GRHL2: variants seen among roughly 807,000 people sequenced by gnomAD.
The protein encoded by GRHL2 is grainyhead-like protein 2 homolog.
Under a neutral mutation model 83.8 loss-of-function variants are expected in GRHL2, and 21 were observed. The ratio of observed to expected loss-of-function variants is 0.25; its 90% CI spans 0.18 to 0.36. The LOEUF is 0.36. Among genes scored for constraint, GRHL2 ranks in the 10% least tolerant of loss-of-function variants. The pLI is 1.00. For missense variants in GRHL2, 623 were observed against 781.8 expected (o/e 0.80, Z 2.42); for synonymous variants, 280 against 278.9 (o/e 1.00, Z -0.04).
In GRHL2 at chr8:101,540,700, C is replaced by T. The variant is rs549954342; in HGVS notation, c.21-2541C>T. Among the ~76,000 whole-genome samples, 35 of 152,300 alleles carry T rather than the reference C, an allele frequency of 2.3e-4. 1 individual carries two copies. Among genetic ancestry groups the T allele is most frequent in the African/African-American group, 5.1e-4 (21 of 41,568 alleles). ...TGACACACTTTTCATTGTGAGTTCACGCCAGTTCTCCATCACAAAGTGAGC... is the reference window on the plus strand; with the variant it reads ...TGACACACTTTTCATTGTGAGTTCATGCCAGTTCTCCATCACAAAGTGAGC... On this transcript the variant is annotated intron_variant, in intron 1 of 15. Transcript: ENST00000646743.
At chr8:101,603,160 G>GT (rs979849670) in intron 8 of GRHL2, among the ~76,000 whole-genome samples, 8 of 151,798 alleles carry the variant, frequency 5.3e-5, no homozygotes, top group East Asian at 1.9e-4. Flanking sequence ...TAAGAATGAG[G>GT]TTTTTTTTGC....
intron 3 of GRHL2, among the ~76,000 whole-genome samples, chr8:101,553,401 A>G (rs189407664): frequency 6.6e-6 from 1 of 152,330 alleles, no homozygotes; most frequent in Non-Finnish European, 1.5e-5. Context: ...GATGAAGCCA[A>G]TTGGAGAATG....
At chr8:101,603,215 G>A (rs920863783) in intron 8 of GRHL2, among the ~76,000 whole-genome samples, 2 of 152,166 alleles carry the variant, frequency 1.3e-5, no homozygotes, top group Non-Finnish European at 2.9e-5. Flanking sequence ...TATCAGAGGA[G>A]ACCTTCTAAA....
intron 7 of GRHL2, among the ~76,000 whole-genome samples, chr8:101,583,294 A>C (rs1812094281): frequency 6.6e-6 from 1 of 152,206 alleles, no homozygotes; most frequent in Admixed American, 6.5e-5. Flanking sequence ...AGCCAGGTGA[A>C]AGACTGGGAT....
intron 7 of GRHL2, among the ~76,000 whole-genome samples, chr8:101,582,338 G>A (rs530239244): frequency 6.6e-6 from 1 of 152,310 alleles, no homozygotes; most frequent in South Asian, 2.1e-4. Context: ...GCTAGTGAGA[G>A]TGCTAGTTGA....
At chr8:101,552,859 C>A (rs932746776) in intron 3 of GRHL2, 77 bp downstream of exon 3, 2 of 1,382,476 alleles carry the variant, frequency 1.4e-6, no homozygotes, top group African/African-American at 1.4e-5. Context: ...ATGTTTTGTT[C>A]TTGAGAGGAG....
chr8:101,621,950 A>G (rs183633705), intron 9 of GRHL2, among the ~76,000 whole-genome samples: 105 of 152,328 alleles, frequency 6.9e-4, no homozygotes, highest in African/African-American at 2.4e-3. Flanking sequence ...GGGATGGAAT[A>G]CTAAAAATAC....
intron 4 of GRHL2, among the ~76,000 whole-genome samples, chr8:101,566,794 T>G (rs971353412): frequency 6.6e-6 from 1 of 151,940 alleles, no homozygotes; most frequent in African/African-American, 2.4e-5. Flanking sequence ...AGCAGTGAAT[T>G]TGATGAGCTC....
intron 1 of GRHL2, among the ~76,000 whole-genome samples, chr8:101,533,794 T>C (rs1586069752): frequency 6.6e-6 from 1 of 152,034 alleles, no homozygotes; most frequent in South Asian, 2.1e-4. Context: ...GGAAGAACAT[T>C]CTGGGAAGAT....
chr8:101,492,469 C>T lies in GRHL2; in HGVS notation c.-301C>T. 1.9e-6 allele frequency: 1 copy of T among 535,718 alleles called. No homozygotes were observed. Among genetic ancestry groups the T allele is most frequent in the East Asian group, 3.2e-5 (1 of 30,958 alleles). The allele number at this position is 535,718 out of a possible 1,614,324, so 33.2% of individuals were successfully genotyped here. ...AGTTACCTGTGGCCGCCCAAGTCCG[C>T]CACTTTCTGCTCTGTGTCTGCCCAT... On this transcript the variant is annotated 5_prime_UTR_variant, in exon 1 of 16. Transcript: ENST00000646743.
chr8:101,507,247 A>AC (rs1342998215), intron 1 of GRHL2, among the ~76,000 whole-genome samples: 1 of 151,584 alleles, frequency 6.6e-6, no homozygotes, highest in African/African-American at 2.4e-5. Flanking sequence ...CAAGATTTAA[A>AC]AATGTTCAGA....
intron 12 of GRHL2, among the ~76,000 whole-genome samples, chr8:101,643,201 T>C (rs1004902239): frequency 3.9e-5 from 6 of 152,046 alleles, no homozygotes; most frequent in Non-Finnish European, 8.8e-5. Flanking sequence ...GCATCTGGGA[T>C]TGTGTCTTTC....
At chr8:101,658,200 C>T (rs568675811) in intron 14 of GRHL2, among the ~76,000 whole-genome samples, 1 of 152,352 alleles carries the variant, frequency 6.6e-6, no homozygotes, top group Non-Finnish European at 1.5e-5. Context: ...CTCCTGGAGG[C>T]AGAGGTTTCT....
intron 7 of GRHL2, among the ~76,000 whole-genome samples, chr8:101,582,171 G>A (rs540553223): frequency 6.6e-6 from 1 of 150,954 alleles, no homozygotes; most frequent in East Asian, 2.0e-4. Context: ...CCAGGAGGTG[G>A]AGGTTTCAGT....
At chr8:101,556,012 A>G (rs557252674) in intron 3 of GRHL2, among the ~76,000 whole-genome samples, 8 of 152,126 alleles carry the variant, frequency 5.3e-5, no homozygotes, top group Non-Finnish European at 1.0e-4. Flanking sequence ...CTAGAATACA[A>G]TGGCATGATC....
chr8:101,528,635 GAGAA>G (rs1304793392), intron 1 of GRHL2: 85 of 185,724 alleles, frequency 4.6e-4, no homozygotes, highest in African/African-American at 1.2e-3. Flanking sequence ...GAAACCACTG[GAGAA>G]CAGAAAGCAG....
At chr8:101,529,844 G>A (rs144530407) in intron 1 of GRHL2, among the ~76,000 whole-genome samples, 123 of 152,282 alleles carry the variant, frequency 8.1e-4, no homozygotes, top group Non-Finnish European at 1.6e-3. Context: ...AGGATGCCTG[G>A]AGGGTCCTTT....
chr8:101,534,441 G>C (rs1811000206), intron 1 of GRHL2, among the ~76,000 whole-genome samples: 1 of 152,128 alleles, frequency 6.6e-6, no homozygotes, highest in Admixed American at 6.5e-5. Flanking sequence ...GGGAGTAGGG[G>C]AGAGACTTAC....
chr8:101,624,782 T>C (rs1813049126), intron 9 of GRHL2, among the ~76,000 whole-genome samples: 1 of 152,108 alleles, frequency 6.6e-6, no homozygotes, highest in Admixed American at 6.6e-5. Context: ...CACAGTTGAA[T>C]AGAAATGGTG....
Sources: gnomAD v4.1 joint callset for allele counts (sites outside exome capture counted in the v4.1 genomes callset) on GRCh38, gnomAD v4.1.1 for gene constraint, MANE v1.5 for transcripts, NCBI Gene and HGNC (gene_info 2026-07-23, HGNC 2026-07-21) for gene names.